Variants in RSRC1 observed in about 807,000 individuals in gnomAD.
RSRC1 encodes serine/Arginine-related protein 53.
Under a neutral mutation model 49.1 loss-of-function variants are expected in RSRC1, and 39 were observed. The ratio of observed to expected loss-of-function variants is 0.79; its 90% confidence interval spans 0.61 to 1.04. The LOEUF (loss-of-function observed/expected upper bound fraction) is 1.04, where lower values mean the gene tolerates loss of function less well. Among genes scored for constraint, RSRC1 ranks in the 50% least tolerant of loss-of-function variants. RSRC1 has a pLI of 0.00. For missense variants in RSRC1, 388 were observed against 402.4 expected, an observed-to-expected ratio of 0.96 and a Z score of 0.31; for synonymous variants, 143 against 130.8, an observed-to-expected ratio of 1.09 and a Z score of -0.63.
intron 4 of RSRC1, among the ~76,000 whole-genome samples, chr3:158,223,488 ATCT>A (rs1331572187): frequency 1.3e-5 from 2 of 151,650 alleles, no homozygotes; most frequent in East Asian, 3.9e-4. Flanking sequence ...ATTATTATTT[ATCT>A]TCTTTGTCTC....
At chr3:158,144,764 G>A (rs1431615815) in intron 3 of RSRC1, among the ~76,000 whole-genome samples, 1 of 152,144 alleles carries the variant, frequency 6.6e-6, no homozygotes, top group African/African-American at 2.4e-5. Flanking sequence ...GTGTAAAAGT[G>A]TTCCTATTTC....
intron 6 of RSRC1, among the ~76,000 whole-genome samples, chr3:158,406,860 C>G (rs895685188): frequency 6.6e-6 from 1 of 152,072 alleles, no homozygotes; most frequent in Non-Finnish European, 1.5e-5. Flanking sequence ...TTCCTTTCAG[C>G]AGTGATGTAA....
At chr3:158,288,134 A>G (rs944882041) in intron 4 of RSRC1, among the ~76,000 whole-genome samples, 10 of 152,154 alleles carry the variant, frequency 6.6e-5, no homozygotes, top group East Asian at 1.9e-4. Flanking sequence ...TGACCTTTTA[A>G]TACATCTTCT....
intron 4 of RSRC1, among the ~76,000 whole-genome samples, chr3:158,230,980 T>A (rs1578221974): frequency 2.0e-5 from 3 of 152,224 alleles, no homozygotes; most frequent in Admixed American, 2.0e-4. Context: ...AGGATTAGAA[T>A]GTATACTTTT....
chr3:158,303,982 A>G (rs752367304), intron 5 of RSRC1, among the ~76,000 whole-genome samples: 3 of 152,170 alleles, frequency 2.0e-5, no homozygotes, highest in Non-Finnish European at 4.4e-5. Context: ...TACAGCTTTA[A>G]GTGGGATTTG....
intron 5 of RSRC1, among the ~76,000 whole-genome samples, chr3:158,351,154 G>A (rs1445355903): frequency 3.3e-5 from 5 of 152,266 alleles, no homozygotes; most frequent in South Asian, 2.1e-4. Context: ...CAGGTGGGAC[G>A]CAGAGGGTTT....
intron 4 of RSRC1, among the ~76,000 whole-genome samples, chr3:158,226,257 C>G (rs1315517522): frequency 6.6e-6 from 1 of 151,872 alleles, no homozygotes; most frequent in Non-Finnish European, 1.5e-5. Flanking sequence ...GCAAGTAAAA[C>G]AGGGAAGCCC....
intron 4 of RSRC1, among the ~76,000 whole-genome samples, chr3:158,251,313 T>G (rs1474440007): frequency 6.6e-6 from 1 of 152,206 alleles, no homozygotes; most frequent in Non-Finnish European, 1.5e-5. Context: ...TCTTTTGTGG[T>G]TTTATATAAA....
chr3:158,364,003 C>T (rs1731623419), intron 6 of RSRC1, among the ~76,000 whole-genome samples: 2 of 152,114 alleles, frequency 1.3e-5, no homozygotes, highest in South Asian at 4.1e-4. Context: ...ATAAGTGCCT[C>T]ACCCCATCCC....
At position 158,123,856 on chromosome 3, in the gene RSRC1, T is replaced by G. The variant is rs1334774604; in HGVS notation, c.195-10T>G. The G allele has an allele frequency of 1.9e-6, 3 of 1,595,520 alleles. No homozygotes were observed. In the Admixed American group the frequency reaches 5.4e-5, roughly 29 times the overall value. On this transcript the variant is annotated splice_polypyrimidine_tract_variant and intron_variant, in intron 2 of 9. Coordinates refer to ENST00000611884, the MANE Select transcript of RSRC1 (RefSeq NM_001271838.2). Reference sequence around the variant, plus strand: ...TTATAGCAGTGATCTTTGATTATATTTTATTTCAGACGCAGGCATCGATCA... The same window carrying G: ...TTATAGCAGTGATCTTTGATTATATGTTATTTCAGACGCAGGCATCGATCA...
chr3:158,327,285 G>C (rs1334548165), intron 5 of RSRC1, among the ~76,000 whole-genome samples: 1 of 152,120 alleles, frequency 6.6e-6, no homozygotes, highest in African/African-American at 2.4e-5. Context: ...GGTTTTGAAT[G>C]TTTGCTCTTG....
chr3:158,360,827 G>T (rs1731425333), intron 6 of RSRC1, among the ~76,000 whole-genome samples: 1 of 152,178 alleles, frequency 6.6e-6, no homozygotes, highest in Admixed American at 6.5e-5. Context: ...GAGAGACCTG[G>T]GTCCACAGCC....
At chr3:158,445,552 T>C (rs1411946459) in intron 6 of RSRC1, among the ~76,000 whole-genome samples, 1 of 151,940 alleles carries the variant, frequency 6.6e-6, no homozygotes, top group Non-Finnish European at 1.5e-5. Flanking sequence ...ACACCTAACA[T>C]AAATGACGAG....
At chr3:158,239,130 T>C (rs796825049) in intron 4 of RSRC1, among the ~76,000 whole-genome samples, 3 of 152,318 alleles carry the variant, frequency 2.0e-5, no homozygotes, top group African/African-American at 7.2e-5. Flanking sequence ...TCACTGGTCA[T>C]CAGAGAAATG....
chr3:158,343,885 A>G (rs1553789811), intron 5 of RSRC1, among the ~76,000 whole-genome samples: 2 of 152,226 alleles, frequency 1.3e-5, no homozygotes, highest in South Asian at 2.1e-4. Flanking sequence ...AAGCAGCAGA[A>G]AAAGAGAATA....
intron 7 of RSRC1, among the ~76,000 whole-genome samples, chr3:158,508,215 T>A (rs1739959919): frequency 1.3e-5 from 2 of 152,206 alleles, no homozygotes; most frequent in Non-Finnish European, 2.9e-5. Flanking sequence ...TGTAGGCAAT[T>A]TGAAGGCTAT....
At position 158,284,589 on chromosome 3, in the gene RSRC1, C is replaced by G. The variant is rs1325826373; in HGVS notation, c.495-13450C>G. Among the ~76,000 whole-genome samples, 230 of 145,252 alleles carry G rather than the reference C, an allele frequency of 1.6e-3. 1 individual carries two copies. The highest frequency in any genetic ancestry group is 5.4e-3 in the African/African-American group (209 of 38,556). Reference sequence around the variant, plus strand: ...GACTTTTTAATGATTGCCATTCTAACTGGTGTGAGATGGTATCTCATTGTG... The same window carrying G: ...GACTTTTTAATGATTGCCATTCTAAGTGGTGTGAGATGGTATCTCATTGTG... On this transcript the variant is annotated intron_variant, in intron 4 of 9. Coordinates refer to ENST00000611884, the MANE Select transcript of RSRC1 (RefSeq NM_001271838.2).
At chr3:158,210,235 G>A (rs1729998) in intron 4 of RSRC1, among the ~76,000 whole-genome samples, 98,455 of 151,864 alleles carry the variant, frequency 0.65, 32,215 homozygotes, top group East Asian at 0.84. Flanking sequence ...GCAGGGCTGT[G>A]TGATAGCTGT....
intron 4 of RSRC1, among the ~76,000 whole-genome samples, chr3:158,294,566 A>G (rs546162241): frequency 2.0e-5 from 3 of 151,920 alleles, no homozygotes; most frequent in Non-Finnish European, 2.9e-5. Flanking sequence ...CTTGGATAGC[A>G]ATTTTAATCT....
Sources: gnomAD v4.1 joint callset for allele counts (sites outside exome capture counted in the v4.1 genomes callset) on GRCh38, gnomAD v4.1.1 for gene constraint, MANE v1.5 for transcripts, NCBI Gene and HGNC (gene_info 2026-07-23, HGNC 2026-07-21) for gene names.